The following SNX14 variants were observed in gnomAD, a reference collection of about 807,000 sequenced individuals.
The protein encoded by SNX14 is sorting nexin 14, also known as sorting nexin-14.
SNX14 carries 93 observed loss-of-function variants against 133.8 expected under a neutral mutation model. The ratio of observed to expected loss-of-function variants is 0.70; its 90% CI spans 0.59 to 0.83. The LOEUF is 0.83. Ranked by LOEUF, SNX14 falls within the 40% of genes least tolerant of loss-of-function variation. SNX14 has a pLI of 0.00. For synonymous variants in SNX14, 368 were observed against 365.6 expected (o/e 1.01, Z -0.07); for missense variants, 945 against 1,094.9 (o/e 0.86, Z 1.93).
intron 21 of SNX14, among the ~76,000 whole-genome samples, chr6:85,522,610 T>A (rs1777252037): frequency 6.6e-6 from 1 of 152,226 alleles, no homozygotes; most frequent in Non-Finnish European, 1.5e-5. Context: ...ACTAGGTTTA[T>A]TCCCAGATAC....
chr6:85,543,940 T>C (rs1784678510), intron 12 of SNX14, among the ~76,000 whole-genome samples, 180 bp from the exon 13 acceptor site: 3 of 152,042 alleles, frequency 2.0e-5, no homozygotes, highest in Admixed American at 6.6e-5. Flanking sequence ...AGAAATGCAA[T>C]CAACCAGTTT....
chr6:85,552,025 TG>T (rs1297769998), intron 7 of SNX14, among the ~76,000 whole-genome samples: 2 of 149,844 alleles, frequency 1.3e-5, no homozygotes, highest in Admixed American at 6.7e-5. Context: ...GAGTCTGTGT[TG>T]GGAATCTTTT....
intron 21 of SNX14, among the ~76,000 whole-genome samples, chr6:85,525,383 CTA>C (rs1203150585): frequency 2.0e-5 from 3 of 152,074 alleles, no homozygotes; most frequent in Admixed American, 1.3e-4. Context: ...GATCAAGAAA[CTA>C]AATTATTTTT....
rs192260680 is a variant in SNX14, at chr6:85,553,593, G to C, written c.635-3714C>G. Among the ~76,000 whole-genome samples the C allele has an allele frequency of 8.5e-5, 13 of 152,184 alleles. No individual in the cohort carries two copies. The East Asian group carries it at 2.5e-3, about 29-fold the overall frequency. On this transcript the variant is annotated intron_variant, in intron 7 of 28. Transcript: ENST00000314673. ...AGGTCAGGAGATCGAGACCATCCTGGCTAACACGGTGAAACCCCGTCTCTA... is the reference window on the plus strand; with the variant it reads ...AGGTCAGGAGATCGAGACCATCCTGCCTAACACGGTGAAACCCCGTCTCTA...
At chr6:85,524,648 A>G (rs2127949600) in intron 21 of SNX14, among the ~76,000 whole-genome samples, 1 of 152,052 alleles carries the variant, frequency 6.6e-6, no homozygotes, top group South Asian at 2.1e-4. Context: ...GCTGGGTGTC[A>G]TGGTGGGCAC....
chr6:85,576,755 T>C (rs1290341915), intron 1 of SNX14, among the ~76,000 whole-genome samples: 1 of 152,248 alleles, frequency 6.6e-6, no homozygotes, highest in African/African-American at 2.4e-5. Context: ...CAGTTATTTC[T>C]GCACTTACAA....
At chr6:85,586,572 ATTTT>A (rs951787654) in intron 1 of SNX14, among the ~76,000 whole-genome samples, 1 of 149,984 alleles carries the variant, frequency 6.7e-6, no homozygotes, top group African/African-American at 2.4e-5. Context: ...TATGGAAGTG[ATTTT>A]TTTTTTATTT....
intron 23 of SNX14, among the ~76,000 whole-genome samples, chr6:85,516,947 A>C (rs1775252651): frequency 6.6e-6 from 1 of 151,956 alleles, no homozygotes; most frequent in Non-Finnish European, 1.5e-5. Flanking sequence ...AACTTCCTTA[A>C]TCTTATAAAG....
At chr6:85,566,734 A>G (rs1048971915) in intron 5 of SNX14, among the ~76,000 whole-genome samples, 18 of 152,070 alleles carry the variant, frequency 1.2e-4, no homozygotes, top group African/African-American at 4.3e-4. Flanking sequence ...AATTCAAAAT[A>G]TACTGAATCA....
At chr6:85,554,737 T>C (rs939075319) in intron 7 of SNX14, among the ~76,000 whole-genome samples, 2 of 152,156 alleles carry the variant, frequency 1.3e-5, no homozygotes, top group Admixed American at 1.3e-4. Context: ...TTTACATGAA[T>C]AGTAGCAAAT....
intron 16 of SNX14, 52 bp from the exon 17 acceptor site, chr6:85,536,976 C>T: frequency 6.6e-7 from 1 of 1,514,802 alleles, no homozygotes; most frequent in Non-Finnish European, 8.9e-7. Flanking sequence ...TCACAACAGT[C>T]TAGTTTATTG....
chr6:85,574,971 A>G (rs374017232), intron 1 of SNX14, among the ~76,000 whole-genome samples: 1 of 152,242 alleles, frequency 6.6e-6, no homozygotes, highest in African/African-American at 2.4e-5. Flanking sequence ...AGAGAAAGCA[A>G]TATCTACAGA....
In SNX14 at chr6:85,593,572, G is replaced by A; in HGVS notation, c.140+7C>T. ...GCCGCCGCCCAGGCTCCGCGCTGCG[G>A]CGTTACCTGTTAAGAAGCAGGGAGG... On this transcript the variant is annotated splice_region_variant and intron_variant, in intron 1 of 28. Transcript: ENST00000314673. 6.2e-7 allele frequency: 1 copy of A among 1,607,556 alleles called. No homozygotes were observed.
At chr6:85,577,481 T>G (rs1797715663) in intron 1 of SNX14, among the ~76,000 whole-genome samples, 1 of 152,024 alleles carries the variant, frequency 6.6e-6, no homozygotes, top group Non-Finnish European at 1.5e-5. Flanking sequence ...TTGGGCATGT[T>G]AAGTTTCAGA....
At chr6:85,552,026 G>A (rs926175590) in intron 7 of SNX14, among the ~76,000 whole-genome samples, 11 of 150,508 alleles carry the variant, frequency 7.3e-5, no homozygotes, top group East Asian at 3.9e-4. Flanking sequence ...AGTCTGTGTT[G>A]GGAATCTTTT....
rs201175458 is a variant in SNX14, at chr6:85,562,582, C to CTTTTTTTTT, written c.549+2741_549+2749dup. Among the ~76,000 whole-genome samples the CTTTTTTTTT allele has an allele frequency of 2.2e-4, 21 of 94,852 alleles. 1 individual carries two copies. The highest frequency in any genetic ancestry group is 3.7e-4 in the Admixed American group (3 of 8,134). 62.2% of individuals were successfully genotyped at this position (94,852 alleles called of 152,430 possible). On this transcript the variant is annotated intron_variant, in intron 6 of 28. Coordinates refer to ENST00000314673, the MANE Select transcript of SNX14 (RefSeq NM_153816.6). ...TAAATCTTTGAACATACTTTTTGGG[C>CTTTTTTTTT]TTTTTTTTTTTTTTTTTTTTTTGAG...
At chr6:85,549,949 C>G in intron 7 of SNX14, 70 bp from the exon 8 acceptor site, 1 of 1,363,310 alleles carries the variant, frequency 7.3e-7, no homozygotes, top group African/African-American at 1.5e-5. Context: ...TTTCCACTAA[C>G]AAATAGAAGA....
intron 1 of SNX14, among the ~76,000 whole-genome samples, chr6:85,592,415 G>C (rs1562034668): frequency 6.6e-6 from 1 of 152,186 alleles, no homozygotes. Context: ...ATGGTTGCCT[G>C]TTCAAAACAT....
chr6:85,523,188 T>G (rs1298392192), intron 21 of SNX14, among the ~76,000 whole-genome samples: 2 of 152,176 alleles, frequency 1.3e-5, no homozygotes, highest in Non-Finnish European at 2.9e-5. Flanking sequence ...ACAGTGATTT[T>G]CAGAGGGTTC....
Sources: gnomAD v4.1 joint callset for allele counts (sites outside exome capture counted in the v4.1 genomes callset) on GRCh38, gnomAD v4.1.1 for gene constraint, MANE v1.5 for transcripts, NCBI Gene and HGNC (gene_info 2026-07-23, HGNC 2026-07-21) for gene names.